Variants in KCNK2 observed in about 807,000 individuals in gnomAD.
KCNK2 encodes the protein potassium channel subfamily K member 2.
KCNK2 carries 21 observed loss-of-function variants against 40.5 expected under a neutral mutation model. The observed-to-expected ratio is 0.52, with a 90% CI of 0.37 to 0.75. The LOEUF (loss-of-function observed/expected upper bound fraction) is 0.75. Ranked by LOEUF, KCNK2 falls within the 30% of genes least tolerant of loss-of-function variation. KCNK2 has a pLI of 0.00. For synonymous variants in KCNK2, 191 were observed against 202.2 expected, an observed-to-expected ratio of 0.94 and a Z score of 0.47; for missense variants, 399 against 531.6, an observed-to-expected ratio of 0.75 and a Z score of 2.45.
In KCNK2 at chr1:215,041,214, C is replaced by T. The variant is rs541467782; in HGVS notation, c.34+35259C>T. Among the ~76,000 whole-genome samples the T allele has an allele frequency of 6.6e-5, 10 of 152,194 alleles. 1 individual carries two copies. The South Asian group carries it at 1.7e-3, about 25-fold the overall frequency. ...AGTAAGCGGCTCTGCCACTTCTTAG[C>T]GATTTATTTAGAGTAAGTAACTTTT... On this transcript the variant is annotated intron_variant, in intron 1 of 6. Transcript: ENST00000391895.
intron 1 of KCNK2, among the ~76,000 whole-genome samples, chr1:215,032,647 C>T (rs114325450): frequency 0.012 from 1,837 of 152,116 alleles, 35 homozygotes; most frequent in African/African-American, 0.043. Context: ...AATTTCCCAG[C>T]GTATGAAATT....
At chr1:215,043,716 A>G (rs895869061) in intron 1 of KCNK2, among the ~76,000 whole-genome samples, 2 of 152,318 alleles carry the variant, frequency 1.3e-5, no homozygotes, top group South Asian at 4.1e-4. Context: ...TAGATGTATG[A>G]TGGTAGATGC....
At chr1:215,022,068 C>T (rs1389216894) in intron 1 of KCNK2, among the ~76,000 whole-genome samples, 1 of 136,834 alleles carries the variant, frequency 7.3e-6, no homozygotes, top group Non-Finnish European at 1.6e-5. Context: ...GACTTGGCAT[C>T]CATAATCATG....
Position 215,230,507 on chromosome 1 carries a change from G to GTATATA in KCNK2, c.964-4301_964-4296dup, listed in dbSNP as rs201898524. The stretch of plus-strand genomic sequence containing the variant: ...CACACACACACACACACACACGGCT[G>GTATATA]TATATATATATATATATATATATAT... On this transcript the variant is annotated intron_variant, in intron 6 of 6. Transcript: ENST00000444842. Among the ~76,000 whole-genome samples, 348 of 65,484 alleles carry GTATATA rather than the reference G, an allele frequency of 5.3e-3. 3 individuals are homozygous for GTATATA. Among genetic ancestry groups the GTATATA allele is most frequent in the African/African-American group, 8.7e-3 (120 of 13,796 alleles). The allele number at this position is 65,484 out of a possible 152,430, so 43.0% of individuals were successfully genotyped here.
At chr1:215,217,892 T>C (rs1337580489) in intron 6 of KCNK2, among the ~76,000 whole-genome samples, 4 of 152,202 alleles carry the variant, frequency 2.6e-5, no homozygotes, top group Admixed American at 2.6e-4. Flanking sequence ...GCACTGAGAT[T>C]GGTGCTAGAG....
At chr1:215,045,043 T>G (rs913201758) in intron 1 of KCNK2, among the ~76,000 whole-genome samples, 3 of 151,836 alleles carry the variant, frequency 2.0e-5, no homozygotes, top group Non-Finnish European at 4.4e-5. Context: ...ATTAGCTGGG[T>G]GCAGTGGCGG....
intron 1 of KCNK2, among the ~76,000 whole-genome samples, chr1:215,063,111 T>G (rs1558074034): frequency 6.6e-6 from 1 of 152,038 alleles, no homozygotes; most frequent in Non-Finnish European, 1.5e-5. Flanking sequence ...AGTGAGAGAA[T>G]GAAGAATGGG....
intron 6 of KCNK2, among the ~76,000 whole-genome samples, chr1:215,228,686 A>AT (rs1328858638): frequency 5.9e-5 from 9 of 152,282 alleles, no homozygotes; most frequent in African/African-American, 2.2e-4. Context: ...TTGCTGAAAT[A>AT]TTTTTTATAA....
chr1:215,125,869 A>G (rs1453223863), intron 3 of KCNK2, among the ~76,000 whole-genome samples: 1 of 150,286 alleles, frequency 6.7e-6, no homozygotes, highest in Non-Finnish European at 1.5e-5. Flanking sequence ...ATGGAAAGAG[A>G]TGCATTTCAA....
upstream of KCNK2, among the ~76,000 whole-genome samples, chr1:215,080,748 G>T (rs1183586151): frequency 6.6e-6 from 1 of 152,144 alleles, no homozygotes; most frequent in Admixed American, 6.5e-5. Flanking sequence ...CACCTGACTG[G>T]CCAGGATTCC....
intron 6 of KCNK2, among the ~76,000 whole-genome samples, chr1:215,220,159 C>G (rs899612359): frequency 6.6e-6 from 1 of 152,094 alleles, no homozygotes; most frequent in African/African-American, 2.4e-5. Flanking sequence ...TATTTTATAT[C>G]TATATATTTT....
chr1:215,059,825 C>T (rs536270876), intron 1 of KCNK2, among the ~76,000 whole-genome samples: 2 of 152,266 alleles, frequency 1.3e-5, no homozygotes, highest in South Asian at 2.1e-4. Flanking sequence ...CTCTTCTCTC[C>T]TCTGGTCTGA....
At chr1:215,211,870 G>T (rs1665758289) in intron 6 of KCNK2, among the ~76,000 whole-genome samples, 1 of 151,984 alleles carries the variant, frequency 6.6e-6, no homozygotes, top group Admixed American at 6.6e-5. Flanking sequence ...TTTTAATTTT[G>T]TTCATTTTTA....
chr1:215,071,967 CT>C lies in KCNK2; in HGVS notation c.35-14397del, dbSNP rs375308044. On this transcript the variant is annotated intron_variant, in intron 1 of 6. Coordinates refer to the KCNK2 transcript ENST00000391895. The stretch of plus-strand genomic sequence containing the variant: ...TCTTGCCTTTGTCTATAATTGTAAT[CT>C]TTTGTTCAACATGGAGTTTTGTATT... Among the ~76,000 whole-genome samples the C allele has an allele frequency of 6.1e-4, 93 of 152,246 alleles. 1 individual carries two copies. The South Asian group carries it at 0.019, about 32-fold the overall frequency.
intron 1 of KCNK2, among the ~76,000 whole-genome samples, chr1:215,030,335 C>T (rs1443950297): frequency 6.6e-6 from 1 of 151,948 alleles, no homozygotes; most frequent in African/African-American, 2.4e-5. Context: ...CAAATATTTT[C>T]TCCCAGCTTG....
intron 5 of KCNK2, among the ~76,000 whole-genome samples, chr1:215,174,777 T>C (rs890952270): frequency 1.3e-5 from 2 of 152,188 alleles, no homozygotes; most frequent in Non-Finnish European, 2.9e-5. Context: ...TTGTCTGTTA[T>C]TGGTGTATAA....
At chr1:215,105,768 C>T (rs996729996) in intron 2 of KCNK2, among the ~76,000 whole-genome samples, 17 of 151,916 alleles carry the variant, frequency 1.1e-4, no homozygotes, top group African/African-American at 4.1e-4. Flanking sequence ...CTAGTAGTTC[C>T]CGGTGTCTGT....
intron 3 of KCNK2, among the ~76,000 whole-genome samples, chr1:215,142,159 A>AT (rs906772409): frequency 2.8e-4 from 42 of 151,974 alleles, no homozygotes; most frequent in African/African-American, 1.0e-3. Flanking sequence ...TCAATCATCT[A>AT]TTTTTTTACT....
At chr1:215,144,677 T>C (rs184638735) in intron 3 of KCNK2, among the ~76,000 whole-genome samples, 23 of 152,210 alleles carry the variant, frequency 1.5e-4, no homozygotes, top group Admixed American at 3.9e-4. Flanking sequence ...CTATTGGCTG[T>C]GTCTATGCTT....
Sources: gnomAD v4.1 joint callset for allele counts (sites outside exome capture counted in the v4.1 genomes callset) on GRCh38, gnomAD v4.1.1 for gene constraint, MANE v1.5 for transcripts, NCBI Gene and HGNC (gene_info 2026-07-23, HGNC 2026-07-21) for gene names.